Variants in SPTLC2 observed in about 807,000 individuals in gnomAD.
SPTLC2 encodes serine palmitoyltransferase long chain base subunit 2.
SPTLC2 carries 21 observed loss-of-function variants against 62.0 expected under a neutral mutation model. The observed-to-expected ratio is 0.34, with a 90% CI of 0.24 to 0.49. The LOEUF is 0.49. Among genes scored for constraint, SPTLC2 ranks in the 20% least tolerant of loss-of-function variants. The probability of loss-of-function intolerance (pLI) is 0.99; values close to 1 mark genes in which losing one functional copy is unlikely to be tolerated. For synonymous variants in SPTLC2, 261 were observed against 261.8 expected, an observed-to-expected ratio of 1.00 and a Z score of 0.03; for missense variants, 511 against 713.0, an observed-to-expected ratio of 0.72 and a Z score of 3.23.
chr14:77,535,800 A>G (rs985882456), intron 9 of SPTLC2: 30 of 348,464 alleles, frequency 8.6e-5, no homozygotes, highest in African/African-American at 5.9e-4. Context: ...CTCTACTATT[A>G]TGACTGGCTG....
chr14:77,519,819 G>A (rs748169251), intron 10 of SPTLC2, among the ~76,000 whole-genome samples: 72 of 152,146 alleles, frequency 4.7e-4, no homozygotes, highest in Non-Finnish European at 1.3e-4. Context: ...GAACCTGGGT[G>A]CCCTGTATCT....
chr14:77,535,393 G>T (rs905568361), intron 9 of SPTLC2, among the ~76,000 whole-genome samples: 1 of 152,186 alleles, frequency 6.6e-6, no homozygotes, highest in African/African-American at 2.4e-5. Context: ...GGGATGAGAA[G>T]GCCTTTGGGG....
intron 2 of SPTLC2, among the ~76,000 whole-genome samples, chr14:77,582,546 T>C (rs977404385): frequency 3.9e-5 from 6 of 151,944 alleles, no homozygotes; most frequent in East Asian, 1.9e-4. Flanking sequence ...AACCCCAAGA[T>C]AGAAAAAAGA....
intron 6 of SPTLC2, among the ~76,000 whole-genome samples, chr14:77,560,024 G>A (rs1443206445): frequency 2.0e-5 from 3 of 152,096 alleles, no homozygotes; most frequent in Non-Finnish European, 4.4e-5. Flanking sequence ...TAGCTTACAA[G>A]TAGAGTTAAA....
chr14:77,610,992 C>CA (rs61504970), intron 1 of SPTLC2, among the ~76,000 whole-genome samples: 30,421 of 106,546 alleles, frequency 0.29, 5,175 homozygotes, highest in Admixed American at 0.4. Flanking sequence ...CCCATCTCTA[C>CA]AAAAAAAAAA....
At chr14:77,526,799 C>T (rs1594971113) in intron 9 of SPTLC2, among the ~76,000 whole-genome samples, 1 of 146,106 alleles carries the variant, frequency 6.8e-6, no homozygotes, top group Admixed American at 6.8e-5. Context: ...TTATTTAGTT[C>T]TTTTTTTTTT....
intron 1 of SPTLC2, among the ~76,000 whole-genome samples, chr14:77,611,757 T>C (rs176900): frequency 0.81 from 122,461 of 151,282 alleles, 49,804 homozygotes; most frequent in East Asian, 0.99. Flanking sequence ...ACCCGGGAGG[T>C]GGAGGCTGCA....
intron 11 of SPTLC2, among the ~76,000 whole-genome samples, chr14:77,516,761 A>G (rs182158584): frequency 1.4e-4 from 21 of 152,334 alleles, no homozygotes; most frequent in African/African-American, 4.6e-4. Flanking sequence ...AAAATTTGTT[A>G]AGAGGACAGA....
intron 11 of SPTLC2, among the ~76,000 whole-genome samples, chr14:77,516,141 A>G (rs989138161): frequency 3.4e-4 from 51 of 152,234 alleles, no homozygotes; most frequent in African/African-American, 1.2e-3. Context: ...ATAAAACATC[A>G]TAAGACAAAA....
Position 77,521,585 on chromosome 14 carries a change from G to A in SPTLC2, c.1304-4C>T. Reference sequence around the variant, plus strand: ...AACTGTTGTACACACTCTTTACCTGGAAAGTCACGGTGAGAGAAAACAAAA... The same window carrying A: ...AACTGTTGTACACACTCTTTACCTGAAAAGTCACGGTGAGAGAAAACAAAA... On this transcript the variant is annotated splice_polypyrimidine_tract_variant and splice_region_variant and intron_variant, in intron 9 of 11. Coordinates refer to ENST00000216484, the MANE Select transcript of SPTLC2 (RefSeq NM_004863.4). 6.2e-7 allele frequency: 1 copy of A among 1,613,810 alleles called. No individual in the cohort carries two copies. Among genetic ancestry groups the A allele is most frequent in the South Asian group, 1.1e-5 (1 of 91,082 alleles).
At position 77,579,095 on chromosome 14, in the gene SPTLC2, C is replaced by G. The variant is rs1205072468; in HGVS notation, c.342G>C (p.Leu114Phe). 6.2e-7 allele frequency: 1 copy of G among 1,613,908 alleles called. No individual in the cohort carries two copies. Residue 114 changes from leucine (L) to phenylalanine (F), a missense_variant, in exon 3 of 12, where the codon TTG becomes TTC. Transcript: ENST00000216484. ...TATAAAAGTTTTCAAAATCTTGATACAATGACACAAAGTCCTGCCAAGAAA... is the reference window on the plus strand; with the variant it reads ...TATAAAAGTTTTCAAAATCTTGATAGAATGACACAAAGTCCTGCCAAGAAA... ...EREEQKDFVSLYQDFENFYTR... is the reference protein window; with the variant it reads ...EREEQKDFVSFYQDFENFYTR...
chr14:77,564,639 T>A (rs1371321278), intron 5 of SPTLC2, among the ~76,000 whole-genome samples: 3 of 151,570 alleles, frequency 2.0e-5, no homozygotes, highest in Non-Finnish European at 4.4e-5. Context: ...AAAACTGGGA[T>A]AGGGAAAATA....
At chr14:77,606,149 G>A (rs915683232) in intron 1 of SPTLC2, among the ~76,000 whole-genome samples, 3 of 152,178 alleles carry the variant, frequency 2.0e-5, no homozygotes, top group Non-Finnish European at 4.4e-5. Flanking sequence ...GACCAACATG[G>A]TGAAACCCTC....
At chr14:77,553,572 A>G (rs2079566590) in intron 8 of SPTLC2, among the ~76,000 whole-genome samples, 1 of 151,942 alleles carries the variant, frequency 6.6e-6, no homozygotes, top group African/African-American at 2.4e-5. Flanking sequence ...TCTACTAAAA[A>G]TACAAAAAAT....
intron 9 of SPTLC2, among the ~76,000 whole-genome samples, chr14:77,533,036 G>T (rs923863718): frequency 6.6e-6 from 1 of 151,874 alleles, no homozygotes; most frequent in African/African-American, 2.4e-5. Context: ...AGTGGCTCAC[G>T]CCTGTAATCC....
chr14:77,563,552 G>C (rs1455921889), intron 5 of SPTLC2, among the ~76,000 whole-genome samples: 1 of 152,068 alleles, frequency 6.6e-6, no homozygotes, highest in Non-Finnish European at 1.5e-5. Context: ...CAGCGTCCCA[G>C]CTAGCTGGGA....
chr14:77,514,462 A>G (rs887082086), intron 11 of SPTLC2, among the ~76,000 whole-genome samples: 2 of 152,136 alleles, frequency 1.3e-5, no homozygotes, highest in African/African-American at 4.8e-5. Context: ...GGCAGCCATT[A>G]CATGCATCGC....
chr14:77,543,910 A>C (rs541633216), intron 9 of SPTLC2, among the ~76,000 whole-genome samples: 1 of 152,254 alleles, frequency 6.6e-6, no homozygotes, highest in East Asian at 1.9e-4. Flanking sequence ...CATCTCCCTC[A>C]TTTGTATCTT....
intron 2 of SPTLC2, among the ~76,000 whole-genome samples, chr14:77,596,364 G>C (rs914982607): frequency 1.3e-5 from 2 of 148,288 alleles, no homozygotes; most frequent in Non-Finnish European, 3.0e-5. Flanking sequence ...TTAGCCGGGC[G>C]TGGTGGCAGG....
Sources: gnomAD v4.1 joint callset for allele counts (sites outside exome capture counted in the v4.1 genomes callset) on GRCh38, gnomAD v4.1.1 for gene constraint, MANE v1.5 for transcripts, NCBI Gene and HGNC (gene_info 2026-07-23, HGNC 2026-07-21) for gene names.